IL1RAPL1: variants seen among roughly 807,000 people sequenced by gnomAD.
IL1RAPL1 encodes interleukin-1 receptor accessory protein-like 1.
Under a neutral mutation model 48.4 loss-of-function variants are expected in IL1RAPL1, and 3 were observed. That is an observed-to-expected ratio of 0.06 (90% CI 0.03 to 0.16). IL1RAPL1 has a LOEUF of 0.16. IL1RAPL1 is among the 10% of genes least tolerant of loss of function. IL1RAPL1 has a pLI of 1.00. For synonymous variants in IL1RAPL1, 185 were observed against 187.7 expected, an observed-to-expected ratio of 0.99 and a Z score of 0.12; for missense variants, 349 against 530.6, an observed-to-expected ratio of 0.66 and a Z score of 3.36.
chrX:29,485,223 T>G (rs1469958426), intron 5 of IL1RAPL1, among the ~76,000 whole-genome samples: 1 of 112,129 alleles, frequency 8.9e-6, no homozygotes, highest in Non-Finnish European at 1.9e-5. Context: ...ACAGTATGCA[T>G]CATGAAATGA....
chrX:29,763,837 T>C (rs141182642), intron 6 of IL1RAPL1, among the ~76,000 whole-genome samples: 9,981 of 109,995 alleles, frequency 0.091, 380 homozygotes, highest in Middle Eastern at 0.25. Context: ...TATAATACTA[T>C]ATATTATATA....
chrX:29,094,327 T>C (rs1928154817), intron 2 of IL1RAPL1, among the ~76,000 whole-genome samples: 1 of 111,969 alleles, frequency 8.9e-6, no homozygotes, highest in Non-Finnish European at 1.9e-5. Flanking sequence ...TGTTAAAATA[T>C]GTAATGCATT....
At chrX:29,132,964 T>A (rs149938146) in intron 2 of IL1RAPL1, among the ~76,000 whole-genome samples, 28 of 111,367 alleles carry the variant, frequency 2.5e-4, no homozygotes, top group African/African-American at 8.8e-4. Context: ...TCTGGGGCAT[T>A]GTCTGGGGGA....
At position 29,955,487 on chromosome X, in the gene IL1RAPL1, T is replaced by G; in HGVS notation, c.1758T>G (p.Thr586=). 5 of 1,211,580 alleles carry G rather than the reference T, an allele frequency of 4.1e-6. No homozygotes were observed. The highest frequency in any genetic ancestry group is 5.6e-6 in the Non-Finnish European group (5 of 895,408). The change falls in exon 11 of 11, where the codon ACT becomes ACG. Residue 586 remains threonine, a synonymous_variant. Transcript: ENST00000378993. ...SEQGPFGELQ[T]VSAISMAAAT... is the part of the protein sequence containing the mutation. ...AAGGGCCTTTTGGGGAGCTGCAGACTGTCTCGGCCATTTCCATGGCCGCGG... is the reference window on the plus strand; with the variant it reads ...AAGGGCCTTTTGGGGAGCTGCAGACGGTCTCGGCCATTTCCATGGCCGCGG...
At chrX:28,666,576 C>T (rs1934881146) in intron 1 of IL1RAPL1, among the ~76,000 whole-genome samples, 1 of 111,631 alleles carries the variant, frequency 9.0e-6, no homozygotes, top group African/African-American at 3.2e-5. Context: ...GTAAGTAGGA[C>T]TATATTAAAG....
chrX:29,446,052 C>G (rs1428054263), intron 5 of IL1RAPL1, among the ~76,000 whole-genome samples: 2 of 112,098 alleles, frequency 1.8e-5, no homozygotes, highest in Non-Finnish European at 3.8e-5. Flanking sequence ...GAAATAACTA[C>G]CAGTTGACTG....
At chrX:29,812,904 A>C (rs1385049212) in intron 6 of IL1RAPL1, among the ~76,000 whole-genome samples, 1 of 111,500 alleles carries the variant, frequency 9.0e-6, no homozygotes, top group Admixed American at 9.6e-5. Context: ...GAGGTGAAAA[A>C]AAATTCAAAG....
chrX:28,956,268 A>C (rs1251232106), intron 2 of IL1RAPL1, among the ~76,000 whole-genome samples: 3 of 107,639 alleles, frequency 2.8e-5, no homozygotes, highest in Admixed American at 1.0e-4. Flanking sequence ...TCTCCTGCCT[A>C]ATTGCCCTGG....
chrX:28,615,199 GTTTTTTTTTTTTT>G lies in IL1RAPL1; in HGVS notation c.-25+27175_-25+27187del, dbSNP rs778402885. ...CACTGCGCCTGGCCAACTGTTGTCT[GTTTTTTTTTTTTT>G]TTTTTTTTTTTTTTTTTTTTTTACC... On this transcript the variant is annotated intron_variant, in intron 1 of 10. Coordinates refer to ENST00000378993, the MANE Select transcript of IL1RAPL1 (RefSeq NM_014271.4). Among the ~76,000 whole-genome samples, 91 of 26,055 alleles carry G rather than the reference GTTTTTTTTTTTTT, an allele frequency of 3.5e-3. 1 individual carries two copies. In the East Asian group the frequency reaches 0.06, roughly 17 times the overall value. 22.6% of individuals were successfully genotyped at this position (26,055 alleles called of 115,157 possible).
chrX:28,726,698 A>T (rs928859044), intron 1 of IL1RAPL1, among the ~76,000 whole-genome samples: 8 of 112,022 alleles, frequency 7.1e-5, no homozygotes, highest in Non-Finnish European at 1.5e-4. Flanking sequence ...TATCATCCTC[A>T]TAGTGTTCCT....
chrX:29,657,322 G>A (rs768543330), intron 5 of IL1RAPL1, among the ~76,000 whole-genome samples: 9 of 111,364 alleles, frequency 8.1e-5, no homozygotes, highest in Non-Finnish European at 1.1e-4. Flanking sequence ...CTTTAGCAGC[G>A]TCCATTGTCA....
chrX:29,395,753 C>T (rs1036963484), intron 3 of IL1RAPL1, among the ~76,000 whole-genome samples: 1 of 111,704 alleles, frequency 9.0e-6, no homozygotes, highest in East Asian at 2.8e-4. Context: ...CTTAGCAAGA[C>T]AACCAATAGT....
intron 1 of IL1RAPL1, among the ~76,000 whole-genome samples, chrX:28,745,491 T>G (rs186576202): frequency 8.9e-6 from 1 of 111,751 alleles, no homozygotes; most frequent in Admixed American, 9.6e-5. Context: ...AAAGGGATTT[T>G]TTTGTAAAGA....
intron 3 of IL1RAPL1, among the ~76,000 whole-genome samples, chrX:29,286,743 C>A (rs1569277452): frequency 2.7e-5 from 3 of 111,809 alleles, no homozygotes. Flanking sequence ...TGACCTCCAA[C>A]TTTTTAATTC....
At chrX:29,410,176 G>T (rs1049898484) in intron 5 of IL1RAPL1, among the ~76,000 whole-genome samples, 5 of 109,878 alleles carry the variant, frequency 4.6e-5, no homozygotes, top group Non-Finnish European at 9.5e-5. Context: ...AATTTTTCCA[G>T]TGCTCGCCAG....
At chrX:29,067,567 G>A (rs1366063403) in intron 2 of IL1RAPL1, among the ~76,000 whole-genome samples, 1 of 112,187 alleles carries the variant, frequency 8.9e-6, no homozygotes, top group Non-Finnish European at 1.9e-5. Flanking sequence ...TGTAATGCAA[G>A]TTGCAAGGTG....
intron 5 of IL1RAPL1, among the ~76,000 whole-genome samples, chrX:29,429,894 GGTGTGTGTGTGT>G: frequency 1.2e-5 from 1 of 85,104 alleles, no homozygotes; most frequent in South Asian, 6.7e-4. Context: ...GTGTGTGTGT[GGTGTGTGTGTGT>G]GTGTGTGTGT....
chrX:29,313,270 TGTGTGTGTGTGTGTGTGCGC>T (rs1331358646), intron 3 of IL1RAPL1, among the ~76,000 whole-genome samples: 1 of 82,045 alleles, frequency 1.2e-5, no homozygotes, highest in Non-Finnish European at 3.0e-5. Context: ...TGTGTGTGTG[TGTGTGTGTGTGTGTGTGCGC>T]GCGCACATGC....
chrX:29,045,981 TTCC>T (rs200472555), intron 2 of IL1RAPL1, among the ~76,000 whole-genome samples: 3 of 77,660 alleles, frequency 3.9e-5, no homozygotes, highest in East Asian at 5.1e-4. Flanking sequence ...CTCCTCCTTC[TTCC>T]TCCTCCTCCT....
Sources: gnomAD v4.1 joint callset for allele counts (sites outside exome capture counted in the v4.1 genomes callset) on GRCh38, gnomAD v4.1.1 for gene constraint, MANE v1.5 for transcripts, NCBI Gene and HGNC (gene_info 2026-07-23, HGNC 2026-07-21) for gene names.